Variants in TNIK observed in about 807,000 individuals in gnomAD.
TNIK encodes TRAF2 and NCK interacting kinase, also known as TRAF2 and NCK-interacting protein kinase.
TNIK carries 49 observed loss-of-function variants against 191.3 expected under a neutral mutation model. The ratio of observed to expected loss-of-function variants is 0.26; its 90% CI spans 0.20 to 0.32. The LOEUF (loss-of-function observed/expected upper bound fraction) is 0.32. TNIK is among the 10% of genes least tolerant of loss of function. The pLI, the probability that TNIK is intolerant of heterozygous loss-of-function variation, is 1.00. For missense variants in TNIK, 1,155 were observed against 1,702.3 expected (o/e 0.68, Z 5.66); for synonymous variants, 594 against 600.9 (o/e 0.99, Z 0.17).
chr3:171,165,133 T>TA (rs1433417798), intron 10 of TNIK, among the ~76,000 whole-genome samples: 1 of 150,922 alleles, frequency 6.6e-6, no homozygotes, highest in Non-Finnish European at 1.5e-5. Context: ...ACTAAAAATC[T>TA]AAAAAAATAT....
intron 1 of TNIK, among the ~76,000 whole-genome samples, chr3:171,407,609 CCAGA>C (rs1721868546): frequency 6.6e-6 from 1 of 152,320 alleles, no homozygotes; most frequent in Non-Finnish European, 1.5e-5. Flanking sequence ...CAAATCAGCA[CCAGA>C]CAAACACTTT....
At chr3:171,326,736 C>T (rs1045396524) in intron 2 of TNIK, among the ~76,000 whole-genome samples, 1 of 149,534 alleles carries the variant, frequency 6.7e-6, no homozygotes, top group African/African-American at 2.6e-5. Flanking sequence ...TGGAAATCAT[C>T]CTTTGAGAAA....
chr3:171,237,633 A>T (rs6444973), intron 2 of TNIK, among the ~76,000 whole-genome samples: 59,922 of 152,056 alleles, frequency 0.39, 11,974 homozygotes, highest in South Asian at 0.47. Context: ...TACCTAAAAC[A>T]TATATAGGCT....
intron 2 of TNIK, among the ~76,000 whole-genome samples, chr3:171,322,420 C>G (rs966146778): frequency 1.3e-5 from 2 of 152,014 alleles, no homozygotes; most frequent in African/African-American, 4.8e-5. Context: ...AATGACACTC[C>G]CAATTTTCAC....
Position 171,079,633 on chromosome 3 carries a change from T to G in TNIK, c.3333A>C (p.Arg1111=), listed in dbSNP as rs1427877487. 6.2e-7 allele frequency: 1 copy of G among 1,611,452 alleles called. No individual in the cohort carries two copies. The highest frequency in any genetic ancestry group is 1.1e-5 in the South Asian group (1 of 90,394). Reference sequence around the variant, plus strand: ...TTCTTAACCATGAAAGATAGTAAACTCGTAGCTTATTCTTCTTTCCTGTTG... The same window carrying G: ...TTCTTAACCATGAAAGATAGTAAACGCGTAGCTTATTCTTCTTTCCTGTTG... ...VTISGKKNKL[R]VYYLSWLRNR... The change falls in exon 28 of 33, where the codon CGA becomes CGC. Residue 1111 remains arginine, a synonymous_variant. Coordinates refer to ENST00000436636, the MANE Select transcript of TNIK (RefSeq NM_015028.4).
chr3:171,287,569 T>C (rs1264980261), intron 2 of TNIK, among the ~76,000 whole-genome samples: 1 of 152,202 alleles, frequency 6.6e-6, no homozygotes, highest in African/African-American at 2.4e-5. Flanking sequence ...TCTAGAACTT[T>C]ACTGGAGATT....
intron 2 of TNIK, among the ~76,000 whole-genome samples, chr3:171,255,222 T>C (rs749388402): frequency 3.9e-5 from 6 of 152,190 alleles, no homozygotes; most frequent in Non-Finnish European, 8.8e-5. Context: ...CAAAACCTGA[T>C]ATGAGCAGAG....
intron 1 of TNIK, among the ~76,000 whole-genome samples, chr3:171,396,779 C>A (rs1270706901): frequency 1.3e-5 from 2 of 152,118 alleles, no homozygotes; most frequent in Non-Finnish European, 2.9e-5. Flanking sequence ...CACTTCCTAG[C>A]CATTCTCAGT....
chr3:171,315,673 T>C (rs911684804), intron 2 of TNIK, among the ~76,000 whole-genome samples: 1 of 152,128 alleles, frequency 6.6e-6, no homozygotes, highest in Non-Finnish European at 1.5e-5. Flanking sequence ...CCATGCCTCC[T>C]TCCTAACTTC....
chr3:171,383,921 C>T (rs762872198), intron 1 of TNIK, among the ~76,000 whole-genome samples: 7 of 152,168 alleles, frequency 4.6e-5, no homozygotes, highest in Non-Finnish European at 7.4e-5. Flanking sequence ...CAGTGGTTCC[C>T]CGGTCTACTC....
chr3:171,184,255 C>T (rs187855836), intron 7 of TNIK, among the ~76,000 whole-genome samples: 25 of 152,206 alleles, frequency 1.6e-4, no homozygotes, highest in African/African-American at 5.8e-4. Context: ...ATTATGTTAT[C>T]TAGATACAGA....
At chr3:171,199,139 G>A (rs547237668) in intron 4 of TNIK, among the ~76,000 whole-genome samples, 1 of 151,986 alleles carries the variant, frequency 6.6e-6, no homozygotes, top group East Asian at 1.9e-4. Flanking sequence ...AGCTCCAGCT[G>A]AAGGCTGCTA....
intron 21 of TNIK, among the ~76,000 whole-genome samples, chr3:171,103,783 T>TAATTAATG (rs1560113758): frequency 6.6e-6 from 1 of 152,066 alleles, no homozygotes; most frequent in Non-Finnish European, 1.5e-5. Context: ...GGCTATGGTT[T>TAATTAATG]AATTAATGAT....
At chr3:171,094,596 T>G (rs1461752281) in intron 22 of TNIK, among the ~76,000 whole-genome samples, 1 of 152,154 alleles carries the variant, frequency 6.6e-6, no homozygotes, top group Non-Finnish European at 1.5e-5. Context: ...AGGCTCTGCA[T>G]GATCTCCCCT....
At chr3:171,397,299 A>G (rs1469047530) in intron 1 of TNIK, among the ~76,000 whole-genome samples, 1 of 152,216 alleles carries the variant, frequency 6.6e-6, no homozygotes, top group African/African-American at 2.4e-5. Flanking sequence ...AGATTGATGG[A>G]CAGAGTGAGG....
chr3:171,277,334 G>C (rs910886558), intron 2 of TNIK, among the ~76,000 whole-genome samples: 1 of 152,022 alleles, frequency 6.6e-6, no homozygotes, highest in Non-Finnish European at 1.5e-5. Flanking sequence ...AACAGACTAA[G>C]ACACTAATAA....
In TNIK at chr3:171,101,607, T is replaced by G; in HGVS notation, c.2433A>C (p.Leu811=). The change falls in exon 22 of 33, where the codon CTA becomes CTC. Residue 811 remains leucine (L), a synonymous_variant. Transcript: ENST00000436636. Reference sequence around the variant, plus strand: ...TTGTTTCTTCAATCCGGAGTTCTCTTAGTTCTTTGGCTAATGCCGTCAGAT... The same window carrying G: ...TTGTTTCTTCAATCCGGAGTTCTCTGAGTTCTTTGGCTAATGCCGTCAGAT... ...DEDLTALAKE[L]RELRIEETNR... is the part of the protein sequence containing the mutation. 6.2e-7 allele frequency: 1 copy of G among 1,613,306 alleles called. No individual in the cohort carries two copies. Among genetic ancestry groups the G allele is most frequent in the Non-Finnish European group, 8.5e-7 (1 of 1,179,462 alleles).
At chr3:171,402,359 C>T (rs980892952) in intron 1 of TNIK, among the ~76,000 whole-genome samples, 1 of 152,146 alleles carries the variant, frequency 6.6e-6, no homozygotes, top group Admixed American at 6.5e-5. Flanking sequence ...GGCAACCAGT[C>T]TAAAGAGAAG....
intron 1 of TNIK, among the ~76,000 whole-genome samples, chr3:171,459,764 C>T (rs1399742782): frequency 6.6e-6 from 1 of 151,992 alleles, no homozygotes; most frequent in Non-Finnish European, 1.5e-5. Flanking sequence ...GGCATAAGCT[C>T]TACGAGCCCT....
Sources: allele counts gnomAD v4.1 joint callset (sites outside exome capture counted in the v4.1 genomes callset), GRCh38; gene constraint gnomAD v4.1.1; transcripts MANE v1.5; gene names NCBI Gene and HGNC (gene_info 2026-07-23, HGNC 2026-07-21).